Variants in HEMK1 observed in about 807,000 individuals in gnomAD.
HEMK1 encodes the protein MTRF1L release factor glutamine methyltransferase.
Under a neutral mutation model 47.9 loss-of-function variants are expected in HEMK1, and 36 were observed. The observed-to-expected ratio is 0.75, with a 90% CI of 0.58 to 0.99. The LOEUF (loss-of-function observed/expected upper bound fraction) is 0.99, where lower values mean the gene tolerates loss of function less well. HEMK1 is among the 50% of genes least tolerant of loss of function. HEMK1 has a pLI of 0.00. For synonymous variants in HEMK1, 153 were observed against 165.4 expected (o/e 0.93, Z 0.57); for missense variants, 383 against 434.5 (o/e 0.88, Z 1.05).
rs1392820974 is a variant in HEMK1 at position 50,592,009 on chromosome 3, G to A, written c.*11592G>A. 1.3e-5 allele frequency: 2 copies of A among 151,972 alleles called. No individual in the cohort carries two copies. The highest frequency in any genetic ancestry group is 3.9e-4 in the East Asian group (2 of 5,158). 9.4% of individuals were successfully genotyped at this position (151,972 alleles called of 1,614,324 possible). ...CCAGCTACTCAGGAGGCTGAGGCAG[G>A]AGAATGGCCTGAACCCGGGAGGCGG... On this transcript the variant is annotated 3_prime_UTR_variant, in exon 11 of 11. Transcript: ENST00000232854.
intron 4 of HEMK1, among the ~76,000 whole-genome samples, chr3:50,572,462 T>C (rs1701111491): frequency 1.3e-5 from 2 of 152,206 alleles, no homozygotes; most frequent in Non-Finnish European, 2.9e-5. Context: ...GTGCCTCAAA[T>C]AGTGCTGCCC....
Position 50,593,230 on chromosome 3 carries a change from T to C in HEMK1, c.*12813T>C, listed in dbSNP as rs1047067540. ...GGAACCCTGCCCACAGCTGTACTAA[T>C]GCCCTTGGCTTTGCTATAGGGAAAG... On this transcript the variant is annotated 3_prime_UTR_variant, in exon 11 of 11. Transcript: ENST00000232854. 6.6e-6 allele frequency: 1 copy of C among 152,224 alleles called. No individual in the cohort carries two copies. Among genetic ancestry groups the C allele is most frequent in the African/African-American group, 2.4e-5 (1 of 41,436 alleles). The allele number at this position is 152,224 out of a possible 1,614,324, so 9.4% of individuals were successfully genotyped here.
Position 50,595,845 on chromosome 3 carries a change from C to G in HEMK1, c.*15428C>G, listed in dbSNP as rs2031948013. ...TGGGGTGACTCTCTTTCCTCCAGAC[C>G]TCTCCTGCAAACAACGCAGGGGAGC... is the stretch of plus-strand genomic sequence containing the variant. On this transcript the variant is annotated 3_prime_UTR_variant, in exon 11 of 11. Coordinates refer to ENST00000232854, the MANE Select transcript of HEMK1 (RefSeq NM_016173.5). The G allele has an allele frequency of 6.6e-6, 1 of 152,194 alleles. No individual in the cohort carries two copies. Among genetic ancestry groups the G allele is most frequent in the Admixed American group, 6.5e-5 (1 of 15,288 alleles). The allele number at this position is 152,194 out of a possible 1,614,324, so 9.4% of individuals were successfully genotyped here.
chr3:50,580,005 G>A, intron 9 of HEMK1, 66 bp downstream of exon 9: 2 of 1,528,486 alleles, frequency 1.3e-6, no homozygotes, highest in East Asian at 4.5e-5. Flanking sequence ...TGTGTACTGG[G>A]CAGGCCCTGG....
intron 7 of HEMK1, 81 bp downstream of exon 7, chr3:50,577,956 G>A: frequency 7.9e-7 from 1 of 1,269,918 alleles, no homozygotes. Context: ...CGTGGAGATG[G>A]AGGGAGAGCT....
Position 50,571,154 on chromosome 3 carries a change from G to A in HEMK1, c.50G>A (p.Arg17Lys). 6 of 1,613,108 alleles carry A rather than the reference G, an allele frequency of 3.7e-6. No individual in the cohort carries two copies. The highest frequency in any genetic ancestry group is 5.1e-6 in the Non-Finnish European group (6 of 1,179,606). Residue 17 changes from arginine to lysine, a missense_variant, in exon 2 of 11, where the codon AGG becomes AAG. Physicochemically the swap from Arg to Lys is conservative, Grantham distance 26. Coordinates refer to ENST00000232854, the MANE Select transcript of HEMK1 (RefSeq NM_016173.5). ...TGGGCCCTCCTGTCTGGCCCAGGGA[G>A]GAGGGGAAGTACCCGGGGCTGGGCC... is the stretch of plus-strand genomic sequence containing the variant. ...MLWALLSGPG[R>K]RGSTRGWAFS...
At position 50,589,399 on chromosome 3, in the gene HEMK1, CTG is replaced by C. The variant is rs1377762423; in HGVS notation, c.*8989_*8990del. 1 of 148,614 alleles carries C rather than the reference CTG, an allele frequency of 6.7e-6. No homozygotes were observed. Among genetic ancestry groups the C allele is most frequent in the Non-Finnish European group, 1.5e-5 (1 of 67,524 alleles). The allele number at this position is 148,614 out of a possible 1,614,324, so 9.2% of individuals were successfully genotyped here. On this transcript the variant is annotated 3_prime_UTR_variant, in exon 11 of 11. Coordinates refer to ENST00000232854, the MANE Select transcript of HEMK1 (RefSeq NM_016173.5). ...AATTTGGTGCTGTGCCCATTTGAGT[CTG>C]TGTGTGGTTTTTAAAATTGGGTTTT...
chr3:50,578,987 C>T (rs1452603658), intron 8 of HEMK1, 61 bp downstream of exon 8: 1 of 1,231,166 alleles, frequency 8.1e-7, no homozygotes, highest in East Asian at 2.5e-5. Flanking sequence ...ATTAGTCTGC[C>T]CTCGAGGACC....
Position 50,593,170 on chromosome 3 carries a change from C to T in HEMK1, c.*12753C>T, listed in dbSNP as rs76291408. On this transcript the variant is annotated 3_prime_UTR_variant, in exon 11 of 11. Coordinates refer to ENST00000232854, the MANE Select transcript of HEMK1 (RefSeq NM_016173.5). ...TGTCCCCTCATTCTCTCACCACCCA[C>T]TCCCACTCCCGATGGGAGCCTCAGG... 6.6e-6 allele frequency: 1 copy of T among 152,510 alleles called. No individual in the cohort carries two copies. The highest frequency in any genetic ancestry group is 1.9e-4 in the East Asian group (1 of 5,196). The allele number at this position is 152,510 out of a possible 1,614,324, so 9.4% of individuals were successfully genotyped here.
chr3:50,573,131 C>T (rs1701203275), intron 4 of HEMK1, among the ~76,000 whole-genome samples: 1 of 152,220 alleles, frequency 6.6e-6, no homozygotes, highest in Non-Finnish European at 1.5e-5. Context: ...GTTGGGAGGC[C>T]AGGTCCTTGC....
intron 5 of HEMK1, 118 bp from the exon 6 acceptor site, chr3:50,577,391 C>A: frequency 8.3e-7 from 1 of 1,197,750 alleles, no homozygotes; most frequent in Non-Finnish European, 1.2e-6. Context: ...GAAGAAAAGG[C>A]TGTTGGGTAT....
At chr3:50,575,363 C>T (rs1186428940) in intron 4 of HEMK1, among the ~76,000 whole-genome samples, 3 of 151,642 alleles carry the variant, frequency 2.0e-5, no homozygotes, top group African/African-American at 4.9e-5. Context: ...GCGGAGGTTG[C>T]GGTGAGCCAA....
At chr3:50,575,346 T>G (rs943124068) in intron 4 of HEMK1, among the ~76,000 whole-genome samples, 2 of 151,950 alleles carry the variant, frequency 1.3e-5, no homozygotes, top group Non-Finnish European at 2.9e-5. Context: ...TCGCTTGAAC[T>G]TGGGAGGCGG....
rs2030164757 is a variant in HEMK1 at position 50,578,478 on chromosome 3, T to C, written c.665-343T>C. Among the ~76,000 whole-genome samples the C allele has an allele frequency of 2.0e-5, 3 of 152,204 alleles. No individual in the cohort carries two copies. In the South Asian group the frequency reaches 6.2e-4, roughly 31 times the overall value. The stretch of plus-strand genomic sequence containing the variant: ...CCATGTACTCTCAGTCCATGTTGGC[T>C]ATAAGGCTAGTGGAGCTACAGAAGA... On this transcript the variant is annotated intron_variant, in intron 7 of 10. Coordinates refer to ENST00000232854, the MANE Select transcript of HEMK1 (RefSeq NM_016173.5).
intron 8 of HEMK1, 123 bp downstream of exon 8, chr3:50,579,049 A>G: frequency 1.5e-6 from 1 of 685,216 alleles, no homozygotes. Context: ...AATGGTGTTA[A>G]GTTGACGCAC....
intron 4 of HEMK1, among the ~76,000 whole-genome samples, 190 bp from the exon 5 acceptor site, chr3:50,576,862 T>A (rs1388229612): frequency 1.3e-5 from 2 of 152,184 alleles, no homozygotes; most frequent in Non-Finnish European, 2.9e-5. Flanking sequence ...TGGGCTCAGA[T>A]GTACAGATGG....
chr3:50,575,158 T>TA (rs1156274418), intron 4 of HEMK1, among the ~76,000 whole-genome samples: 1 of 152,044 alleles, frequency 6.6e-6, no homozygotes, highest in Non-Finnish European at 1.5e-5. Flanking sequence ...CGCTGTGGCT[T>TA]ACACCTGTAA....
At chr3:50,579,685 C>T (rs2030456652) in intron 8 of HEMK1, among the ~76,000 whole-genome samples, 159 bp from the exon 9 acceptor site, 1 of 152,168 alleles carries the variant, frequency 6.6e-6, no homozygotes, top group Non-Finnish European at 1.5e-5. Context: ...GAGGAGCTGC[C>T]ACCCATTTGG....
At position 50,571,045 on chromosome 3, in the gene HEMK1, C is replaced by A; in HGVS notation, c.-60C>A. The A allele has an allele frequency of 7.5e-7, 1 of 1,341,186 alleles. No individual in the cohort carries two copies. Among genetic ancestry groups the A allele is most frequent in the Non-Finnish European group, 1.0e-6 (1 of 971,706 alleles). The allele number at this position is 1,341,186 out of a possible 1,614,324, so 83.1% of individuals were successfully genotyped here. A position where few individuals can be genotyped will look rare whatever the true frequency, so the allele number is the denominator to read the frequency against. ...CCACTCTCAGCACTCACCTCAGCAG[C>A]TGACATCATAAAGCAGACTTGGGAA... On this transcript the variant is annotated 5_prime_UTR_variant, in exon 2 of 11. It adds an upstream start codon to the 5' untranslated region. Transcript: ENST00000232854.
Sources: allele counts gnomAD v4.1 joint callset (sites outside exome capture counted in the v4.1 genomes callset), GRCh38; gene constraint gnomAD v4.1.1; transcripts MANE v1.5; gene names NCBI Gene and HGNC (gene_info 2026-07-23, HGNC 2026-07-21).